The following NRG1 variants were observed in gnomAD, a reference collection of about 807,000 sequenced individuals.
The protein encoded by NRG1 is pro-neuregulin-1, membrane-bound isoform.
In NRG1, 18 loss-of-function variants were observed where a neutral mutation model predicts 63.8. The ratio of observed to expected loss-of-function variants is 0.28; its 90% CI spans 0.19 to 0.42. The LOEUF is 0.42. Among genes scored for constraint, NRG1 ranks in the 10% least tolerant of loss-of-function variants. The pLI is 1.00. For synonymous variants in NRG1, 302 were observed against 301.3 expected (o/e 1.00, Z -0.02); for missense variants, 762 against 814.7 (o/e 0.94, Z 0.79).
At chr8:31,670,069 A>G (rs1160979692) in intron 1 of NRG1, among the ~76,000 whole-genome samples, 1 of 152,230 alleles carries the variant, frequency 6.6e-6, no homozygotes, top group Non-Finnish European at 1.5e-5. Context: ...GTAGACTTAG[A>G]GAAATTCAGG....
At position 31,782,934 on chromosome 8, in the gene NRG1, A is replaced by G. The variant is rs565968007; in HGVS notation, c.37+143503A>G. On this transcript the variant is annotated intron_variant, in intron 1 of 10. Coordinates refer to the NRG1 transcript ENST00000519301. The stretch of plus-strand genomic sequence containing the variant: ...TCAAGGGGTTCACAAAGCCAGGGTT[A>G]TGAATGTCCAGTATCATTGTTATAG... Among the ~76,000 whole-genome samples, 48 of 152,306 alleles carry G rather than the reference A, an allele frequency of 3.2e-4. 1 individual carries two copies. Among genetic ancestry groups the G allele is most frequent in the South Asian group, 2.1e-3 (10 of 4,830 alleles).
chr8:32,668,495 G>A (rs1239182438), intron 5 of NRG1, among the ~76,000 whole-genome samples: 1 of 152,146 alleles, frequency 6.6e-6, no homozygotes, highest in Non-Finnish European at 1.5e-5. Context: ...ATGGTGGAAT[G>A]AAGGCTCTTA....
chr8:32,449,919 A>T (rs1820749129), intron 1 of NRG1, among the ~76,000 whole-genome samples: 1 of 152,202 alleles, frequency 6.6e-6, no homozygotes, highest in Non-Finnish European at 1.5e-5. Context: ...ATGGCAGAGC[A>T]CAGGATATTT....
intron 1 of NRG1, among the ~76,000 whole-genome samples, chr8:32,199,380 A>T (rs1843273352): frequency 6.6e-6 from 1 of 152,200 alleles, no homozygotes; most frequent in African/African-American, 2.4e-5. Context: ...GCAAAGGTGT[A>T]GCCCTGATAC....
intron 1 of NRG1, among the ~76,000 whole-genome samples, chr8:31,664,838 C>T (rs1806359022): frequency 6.6e-6 from 1 of 152,120 alleles, no homozygotes; most frequent in South Asian, 2.1e-4. Flanking sequence ...GTGCTTGGTA[C>T]TATGGAAGAT....
intron 1 of NRG1, among the ~76,000 whole-genome samples, chr8:31,882,515 T>C (rs1409075023): frequency 6.6e-6 from 1 of 152,028 alleles, no homozygotes; most frequent in Non-Finnish European, 1.5e-5. Flanking sequence ...CTAAGTCTTG[T>C]TATTGAAGAA....
intron 1 of NRG1, among the ~76,000 whole-genome samples, chr8:31,648,685 C>T (rs1804544770): frequency 6.6e-6 from 1 of 152,184 alleles, no homozygotes; most frequent in Non-Finnish European, 1.5e-5. Flanking sequence ...GCTTATTTCA[C>T]TTACCATAAT....
intron 7 of NRG1, among the ~76,000 whole-genome samples, chr8:32,753,768 A>C (rs1160299645): frequency 2.0e-5 from 3 of 152,216 alleles, no homozygotes; most frequent in Non-Finnish European, 4.4e-5. Flanking sequence ...GTTAACTACA[A>C]GCCAAGTTCA....
intron 1 of NRG1, among the ~76,000 whole-genome samples, chr8:32,044,051 T>C (rs536759656): frequency 3.3e-5 from 5 of 152,014 alleles, no homozygotes; most frequent in African/African-American, 1.2e-4. Context: ...CAATATGCTA[T>C]GTACAAAAAA....
At chr8:31,802,872 T>C (rs1249286698) in intron 1 of NRG1, among the ~76,000 whole-genome samples, 1 of 152,240 alleles carries the variant, frequency 6.6e-6, no homozygotes, top group Non-Finnish European at 1.5e-5. Flanking sequence ...AAAGATGTTC[T>C]GCTTTTCATA....
chr8:31,662,065 A>C (rs1053892857), intron 1 of NRG1, among the ~76,000 whole-genome samples: 4 of 152,218 alleles, frequency 2.6e-5, no homozygotes, highest in Non-Finnish European at 4.4e-5. Flanking sequence ...CCTCAGGGAG[A>C]AGAAGGAACA....
intron 1 of NRG1, among the ~76,000 whole-genome samples, chr8:31,751,959 A>C (rs1450648261): frequency 2.6e-5 from 4 of 152,006 alleles, no homozygotes; most frequent in Admixed American, 2.6e-4. Context: ...TGGATCACCT[A>C]TTTGGTTTTG....
chr8:31,886,594 C>G (rs1381760413), intron 1 of NRG1, among the ~76,000 whole-genome samples: 1 of 152,048 alleles, frequency 6.6e-6, no homozygotes, highest in African/African-American at 2.4e-5. Flanking sequence ...TCAGCTCCAG[C>G]CATAAATAAA....
intron 1 of NRG1, among the ~76,000 whole-genome samples, chr8:32,464,991 A>G (rs993704998): frequency 6.6e-6 from 1 of 152,134 alleles, no homozygotes; most frequent in African/African-American, 2.4e-5. Context: ...CCTGGCCCAC[A>G]TGGTGAAAAC....
intron 1 of NRG1, among the ~76,000 whole-genome samples, chr8:31,855,794 T>G (rs959249891): frequency 5.9e-5 from 9 of 152,308 alleles, no homozygotes; most frequent in Admixed American, 2.6e-4. Context: ...AGGAGCTCTT[T>G]TAGGGCAGGC....
chr8:32,756,066 A>G (rs1829623440), intron 8 of NRG1, among the ~76,000 whole-genome samples: 1 of 152,150 alleles, frequency 6.6e-6, no homozygotes, highest in Non-Finnish European at 1.5e-5. Flanking sequence ...ATCTAAGACA[A>G]ATAAGTGTCC....
chr8:32,326,490 A>C (rs1454918189), intron 1 of NRG1, among the ~76,000 whole-genome samples: 1 of 151,274 alleles, frequency 6.6e-6, no homozygotes, highest in Admixed American at 6.6e-5. Context: ...ACACTCAGCT[A>C]ATTTTTGTAT....
intron 1 of NRG1, among the ~76,000 whole-genome samples, chr8:31,898,670 C>T (rs904959775): frequency 2.0e-5 from 3 of 151,978 alleles, no homozygotes; most frequent in African/African-American, 7.3e-5. Context: ...CACCACTGCC[C>T]TCCAGCCTGG....
intron 1 of NRG1, among the ~76,000 whole-genome samples, chr8:32,020,193 C>A (rs1816210498): frequency 6.6e-6 from 1 of 152,062 alleles, no homozygotes; most frequent in Non-Finnish European, 1.5e-5. Flanking sequence ...CTAATGTGTT[C>A]TATTTTGGAA....
Sources: gnomAD v4.1 joint callset for allele counts (sites outside exome capture counted in the v4.1 genomes callset) on GRCh38, gnomAD v4.1.1 for gene constraint, MANE v1.5 for transcripts, NCBI Gene and HGNC (gene_info 2026-07-23, HGNC 2026-07-21) for gene names.